The following SYCE2 variants were observed in gnomAD, a reference collection of about 807,000 sequenced individuals.
The protein encoded by SYCE2 is synaptonemal complex central element protein 2.
SYCE2 carries 3 observed loss-of-function variants against 27.9 expected under a neutral mutation model. That is an observed-to-expected ratio of 0.11 (90% CI 0.05 to 0.28). SYCE2 has a LOEUF of 0.28. SYCE2 is among the 10% of genes least tolerant of loss of function. The pLI is 1.00. For missense variants in SYCE2, 207 were observed against 263.5 expected, an observed-to-expected ratio of 0.79 and a Z score of 1.48; for synonymous variants, 85 against 100.7, an observed-to-expected ratio of 0.84 and a Z score of 0.93.
intron 3 of SYCE2, among the ~76,000 whole-genome samples, chr19:12,902,590 G>A (rs893407114): frequency 3.3e-5 from 5 of 152,000 alleles, no homozygotes; most frequent in South Asian, 2.1e-4. Flanking sequence ...AGCTGTGATC[G>A]TGCCACTGCT....
At chr19:12,913,755 C>G (rs528139982) in intron 2 of SYCE2, among the ~76,000 whole-genome samples, 12 of 152,310 alleles carry the variant, frequency 7.9e-5, no homozygotes, top group African/African-American at 2.6e-4. Context: ...CGGTCTGTGT[C>G]TCTTCACTAC....
intron 4 of SYCE2, 88 bp downstream of exon 4, chr19:12,900,372 G>A: frequency 2.1e-6 from 3 of 1,440,060 alleles, no homozygotes; most frequent in Non-Finnish European, 2.8e-6. Context: ...TCAGGGCTGG[G>A]TGCCTGGTTT....
Position 12,900,585 on chromosome 19 carries a change from T to C in SYCE2, c.370A>G (p.Ile124Val), listed in dbSNP as rs777976584. ...AACTCTTGGAGCTTTTCCTGGATGA[T>C]CTTGTTGTGGTCATTATAAATCTGA... ...IYQIYNDHNK[I>V]IQEKLQEFTQ... Residue 124 changes from isoleucine to valine, a missense_variant, in exon 4 of 6, where the codon ATC becomes GTC. By Grantham distance (29) the Ile-to-Val change is conservative. Coordinates refer to ENST00000293695, the MANE Select transcript of SYCE2 (RefSeq NM_001105578.2). 6.2e-7 allele frequency: 1 copy of C among 1,614,174 alleles called. No homozygotes were observed. Among genetic ancestry groups the C allele is most frequent in the South Asian group, 1.1e-5 (1 of 91,082 alleles).
intron 5 of SYCE2, chr19:12,899,714 T>C (rs2145959725): frequency 6.2e-7 from 1 of 1,612,326 alleles, no homozygotes; most frequent in East Asian, 2.2e-5. Context: ...TCAGATGTGT[T>C]CCTTAAAAAG....
At chr19:12,909,354 G>A (rs1473527860) in intron 2 of SYCE2, among the ~76,000 whole-genome samples, 2 of 152,062 alleles carry the variant, frequency 1.3e-5, no homozygotes, top group Non-Finnish European at 2.9e-5. Context: ...CTGTCTCAAA[G>A]GCATCTGAAA....
intron 2 of SYCE2, among the ~76,000 whole-genome samples, chr19:12,911,582 G>C (rs1412620872): frequency 6.7e-6 from 1 of 149,854 alleles, no homozygotes; most frequent in African/African-American, 2.5e-5. Context: ...TGGGATTACA[G>C]GTGCCTACCA....
Position 12,900,546 on chromosome 19 carries a change from C to A in SYCE2, c.409G>T (p.Ala137Ser). The change falls in exon 4 of 6, where the codon GCA (alanine) becomes TCA (serine). Residue 137 changes from alanine (A) to serine (S), a missense_variant. By Grantham distance (99) the Ala-to-Ser change is moderately conservative. Transcript: ENST00000293695. ...TCTGTCTCCAAATGGCTGATCTTTGCCATTTTCTGGGTGAACTCTTGGAGC... is the reference window on the plus strand; with the variant it reads ...TCTGTCTCCAAATGGCTGATCTTTGACATTTTCTGGGTGAACTCTTGGAGC... ...EKLQEFTQKMAKISHLETELK... is the reference protein window; with the variant it reads ...EKLQEFTQKMSKISHLETELK... 6.2e-7 allele frequency: 1 copy of A among 1,614,144 alleles called. No individual in the cohort carries two copies. Among genetic ancestry groups the A allele is most frequent in the East Asian group, 2.2e-5 (1 of 44,886 alleles).
Position 12,899,040 on chromosome 19 carries a change from G to C in SYCE2, c.*301C>G. 2 of 448,262 alleles carry C rather than the reference G, an allele frequency of 4.5e-6. No individual in the cohort carries two copies. The highest frequency in any genetic ancestry group is 8.2e-6 in the Non-Finnish European group (2 of 242,558). The allele number at this position is 448,262 out of a possible 1,614,324, so 27.8% of individuals were successfully genotyped here. A position where few individuals can be genotyped will look rare whatever the true frequency, so the allele number is the denominator to read the frequency against. On this transcript the variant is annotated 3_prime_UTR_variant, in exon 6 of 6. Transcript: ENST00000293695. ...GCTTGCTGTGTTTCCTTGGAGCTCA[G>C]GGGTGCTTTCAGCCTCTGTGGCAAG...
intron 2 of SYCE2, among the ~76,000 whole-genome samples, chr19:12,916,560 A>C (rs932250142): frequency 6.6e-6 from 1 of 151,850 alleles, no homozygotes; most frequent in Non-Finnish European, 1.5e-5. Flanking sequence ...TCCTTACTAT[A>C]TTTTGTTTCT....
intron 2 of SYCE2, among the ~76,000 whole-genome samples, chr19:12,907,122 G>A (rs935543184): frequency 5.3e-5 from 8 of 152,158 alleles, no homozygotes; most frequent in Non-Finnish European, 1.2e-4. Context: ...GTGAGTCACA[G>A]CTAACTTTTC....
chr19:12,909,983 C>T (rs537587436), intron 2 of SYCE2, among the ~76,000 whole-genome samples: 1 of 152,156 alleles, frequency 6.6e-6, no homozygotes, highest in African/African-American at 2.4e-5. Flanking sequence ...TCTCTTGCCT[C>T]GGCCTCCCAA....
chr19:12,919,209 C>T, intron 1 of SYCE2, 34 bp downstream of exon 1: 3 of 1,609,662 alleles, frequency 1.9e-6, no homozygotes, highest in Non-Finnish European at 2.5e-6. Flanking sequence ...TGTCCGCCCG[C>T]CCCACGCGCG....
intron 3 of SYCE2, among the ~76,000 whole-genome samples, chr19:12,902,703 T>G (rs1970862251): frequency 6.6e-6 from 1 of 152,090 alleles, no homozygotes; most frequent in African/African-American, 2.4e-5. Flanking sequence ...AGTCTCAAGC[T>G]ACTCGAGAGG....
chr19:12,902,125 G>A (rs888451000), intron 3 of SYCE2, among the ~76,000 whole-genome samples: 2 of 152,142 alleles, frequency 1.3e-5, no homozygotes, highest in African/African-American at 4.8e-5. Flanking sequence ...GTAACATGCT[G>A]TGTGCAGGTT....
chr19:12,900,321 G>C, intron 4 of SYCE2, 139 bp downstream of exon 4: 1 of 1,097,812 alleles, frequency 9.1e-7, no homozygotes, highest in Non-Finnish European at 1.3e-6. Flanking sequence ...ACAAGATGGT[G>C]AGTGCACCAA....
chr19:12,905,548 G>A (rs1211498224), intron 2 of SYCE2, among the ~76,000 whole-genome samples: 1 of 152,092 alleles, frequency 6.6e-6, no homozygotes, highest in African/African-American at 2.4e-5. Context: ...AGCCAGGATG[G>A]TCTCCATCTC....
intron 2 of SYCE2, 99 bp downstream of exon 2, chr19:12,918,123 A>C: frequency 9.5e-7 from 1 of 1,049,212 alleles, no homozygotes; most frequent in African/African-American, 1.6e-5. Context: ...AGGAGGGAAA[A>C]AAAAAGCAGC....
intron 2 of SYCE2, among the ~76,000 whole-genome samples, chr19:12,905,630 C>T (rs1431137471): frequency 6.7e-6 from 1 of 150,276 alleles, no homozygotes; most frequent in African/African-American, 2.5e-5. Context: ...CGCGCCCAGC[C>T]CAATGCTTTC....
rs1971198887 is a variant in SYCE2 at position 12,919,235 on chromosome 19, C to T, written c.15+8G>A. 5 of 1,611,288 alleles carry T rather than the reference C, an allele frequency of 3.1e-6. No homozygotes were observed. The highest frequency in any genetic ancestry group is 4.2e-6 in the Non-Finnish European group (5 of 1,180,016). On this transcript the variant is annotated splice_region_variant and intron_variant, in intron 1 of 5. Transcript: ENST00000293695. ...CCCACGCGCGAGAAGGAAACAAGCG[C>T]CGCGTACTCCCTGTCGCTCCATTCC...
Sources: gnomAD v4.1 joint callset for allele counts (sites outside exome capture counted in the v4.1 genomes callset) on GRCh38, gnomAD v4.1.1 for gene constraint, MANE v1.5 for transcripts, NCBI Gene and HGNC (gene_info 2026-07-23, HGNC 2026-07-21) for gene names.